ADCYAP1R1: variants seen among roughly 807,000 people sequenced by gnomAD.
The protein encoded by ADCYAP1R1 is pituitary adenylate cyclase-activating polypeptide type I receptor.
ADCYAP1R1 carries 44 observed loss-of-function variants against 67.6 expected under a neutral mutation model. The ratio of observed to expected loss-of-function variants is 0.65; its 90% CI spans 0.51 to 0.84. ADCYAP1R1 has a LOEUF of 0.84. Ranked by LOEUF, ADCYAP1R1 falls within the 40% of genes least tolerant of loss-of-function variation. ADCYAP1R1 has a pLI of 0.00. For synonymous variants in ADCYAP1R1, 222 were observed against 219.6 expected (o/e 1.01, Z -0.10); for missense variants, 477 against 587.9 (o/e 0.81, Z 1.95).
intron 1 of ADCYAP1R1, among the ~76,000 whole-genome samples, chr7:31,060,969 G>C (rs968764400): frequency 1.3e-5 from 2 of 152,224 alleles, no homozygotes; most frequent in East Asian, 3.8e-4. Flanking sequence ...CATTTGGCCC[G>C]GGGTAGTTGT....
chr7:31,088,183 C>T (rs1484026539), intron 12 of ADCYAP1R1, among the ~76,000 whole-genome samples: 2 of 152,208 alleles, frequency 1.3e-5, no homozygotes, highest in African/African-American at 4.8e-5. Flanking sequence ...ATCTCGCTAG[C>T]GTAACTGAGC....
chr7:31,105,947 A>G (rs1176534614), intron 15 of ADCYAP1R1, among the ~76,000 whole-genome samples: 1 of 152,186 alleles, frequency 6.6e-6, no homozygotes, highest in African/African-American at 2.4e-5. Context: ...TAAGAGCTAC[A>G]TGGGTGTGTG....
At chr7:31,072,110 C>G (rs191371660) in intron 3 of ADCYAP1R1, among the ~76,000 whole-genome samples, 2 of 151,524 alleles carry the variant, frequency 1.3e-5, no homozygotes, top group South Asian at 2.1e-4. Context: ...GTGTTGGCCT[C>G]GACTCTGCAG....
intron 13 of ADCYAP1R1, among the ~76,000 whole-genome samples, chr7:31,100,713 G>C (rs1056063248): frequency 3.9e-5 from 6 of 152,186 alleles, no homozygotes; most frequent in Non-Finnish European, 8.8e-5. Flanking sequence ...TTACAAATGA[G>C]AAAACTGAAG....
intron 6 of ADCYAP1R1, 77 bp from the exon 7 acceptor site, chr7:31,084,064 A>T: frequency 7.9e-7 from 1 of 1,267,272 alleles, no homozygotes; most frequent in Non-Finnish European, 1.1e-6. Flanking sequence ...TTCCCACTGA[A>T]TACGTAATTT....
chr7:31,076,750 G>A (rs547154882), intron 3 of ADCYAP1R1, among the ~76,000 whole-genome samples: 94 of 152,288 alleles, frequency 6.2e-4, no homozygotes, highest in African/African-American at 2.1e-3. Context: ...GGGAGTAGGT[G>A]GGGGGAGTGG....
Position 31,110,264 on chromosome 7 carries a change from C to T in ADCYAP1R1, c.*3580C>T, listed in dbSNP as rs1471443241. On this transcript the variant is annotated 3_prime_UTR_variant, in exon 16 of 16. Coordinates refer to ENST00000304166, the MANE Select transcript of ADCYAP1R1 (RefSeq NM_001118.5). ...AGTATTAATACTTTGTCATAAAGTC[C>T]TCCTTGAGCCCAGGGACCATGGAAG... 4 of 151,836 alleles carry T rather than the reference C, an allele frequency of 2.6e-5. No homozygotes were observed. The highest frequency in any genetic ancestry group is 7.3e-5 in the African/African-American group (3 of 41,328). The allele number at this position is 151,836 out of a possible 1,614,324, so 9.4% of individuals were successfully genotyped here.
At chr7:31,092,214 G>A (rs1393985521) in intron 12 of ADCYAP1R1, among the ~76,000 whole-genome samples, 4 of 150,520 alleles carry the variant, frequency 2.7e-5, no homozygotes, top group African/African-American at 9.8e-5. Flanking sequence ...CTCCCAGGCA[G>A]CCCTTTAATT....
intron 1 of ADCYAP1R1, among the ~76,000 whole-genome samples, chr7:31,053,130 CGGG>C (rs746792702): frequency 2.0e-5 from 3 of 146,354 alleles, no homozygotes; most frequent in Non-Finnish European, 4.5e-5. Context: ...GAGGGTCCCC[CGGG>C]GCTAGGTACC....
intron 6 of ADCYAP1R1, among the ~76,000 whole-genome samples, chr7:31,081,967 C>CA (rs776389106): frequency 6.6e-6 from 1 of 152,132 alleles, no homozygotes; most frequent in Non-Finnish European, 1.5e-5. Flanking sequence ...AGGGGGGCCA[C>CA]AGATGTCTTA....
chr7:31,070,652 G>T (rs904062323), intron 3 of ADCYAP1R1, among the ~76,000 whole-genome samples: 9 of 152,226 alleles, frequency 5.9e-5, no homozygotes, highest in African/African-American at 2.2e-4. Context: ...GGTGTCTGCA[G>T]GGACCCTCAT....
intron 4 of ADCYAP1R1, among the ~76,000 whole-genome samples, chr7:31,079,442 C>T (rs573583984): frequency 8.5e-5 from 13 of 152,340 alleles, no homozygotes; most frequent in African/African-American, 2.9e-4. Flanking sequence ...GTGACCTGGC[C>T]TTAGCGTTCT....
Position 31,104,891 on chromosome 7 carries a change from CT to C in ADCYAP1R1, c.1201del (p.Cys401ValfsTer3). On this transcript the variant is annotated frameshift_variant, in exon 15 of 16. Coordinates refer to ENST00000304166, the MANE Select transcript of ADCYAP1R1 (RefSeq NM_001118.5). LOFTEE classifies it high-confidence loss of function. ...FQGFVVAVLY[C>X]FLNGEVQAEI... ...AGGGCTTTGTGGTGGCTGTTCTCTA[CT>C]GTTTTCTGAATGGTGAGGTAAGACC... 1 of 1,614,180 alleles carries C rather than the reference CT, an allele frequency of 6.2e-7. No individual in the cohort carries two copies. Among genetic ancestry groups the C allele is most frequent in the Non-Finnish European group, 8.5e-7 (1 of 1,180,030 alleles).
chr7:31,070,939 C>A (rs1472206656), intron 3 of ADCYAP1R1, among the ~76,000 whole-genome samples: 1 of 152,166 alleles, frequency 6.6e-6, no homozygotes, highest in Non-Finnish European at 1.5e-5. Context: ...CCTATGCCAC[C>A]CCCAGCACTC....
intron 5 of ADCYAP1R1, among the ~76,000 whole-genome samples, chr7:31,080,958 G>T (rs1795491635): frequency 2.0e-5 from 3 of 152,206 alleles, no homozygotes; most frequent in Admixed American, 1.3e-4. Flanking sequence ...CATATGCCCA[G>T]ACCTGAACAT....
At chr7:31,053,652 C>T (rs969076382) in intron 1 of ADCYAP1R1, among the ~76,000 whole-genome samples, 1 of 152,224 alleles carries the variant, frequency 6.6e-6, no homozygotes, top group African/African-American at 2.4e-5. Flanking sequence ...GCTAATTCTT[C>T]CGACCATTTT....
chr7:31,084,114 C>T, intron 6 of ADCYAP1R1, 27 bp from the exon 7 acceptor site: 1 of 1,596,710 alleles, frequency 6.3e-7, no homozygotes, highest in Non-Finnish European at 8.6e-7. Flanking sequence ...CATTTCTGGG[C>T]CTCGCTGAGT....
At chr7:31,060,193 AGG>A (rs2128614544) in intron 1 of ADCYAP1R1, among the ~76,000 whole-genome samples, 1 of 152,278 alleles carries the variant, frequency 6.6e-6, no homozygotes, top group African/African-American at 2.4e-5. Flanking sequence ...TTCCCACAGC[AGG>A]GGCGAGGCCC....
At chr7:31,077,204 G>A (rs867003062) in intron 3 of ADCYAP1R1, among the ~76,000 whole-genome samples, 3 of 152,248 alleles carry the variant, frequency 2.0e-5, no homozygotes, top group Admixed American at 6.5e-5. Context: ...CTTGTAAGCC[G>A]TGGAGCACAC....
Sources: allele counts gnomAD v4.1 joint callset (sites outside exome capture counted in the v4.1 genomes callset), GRCh38; gene constraint gnomAD v4.1.1; transcripts MANE v1.5; gene names NCBI Gene and HGNC (gene_info 2026-07-23, HGNC 2026-07-21).